Variants in ZFPM2 observed in about 807,000 individuals in gnomAD.
ZFPM2 encodes zinc finger protein ZFPM2.
In ZFPM2, 20 loss-of-function variants were observed where a neutral mutation model predicts 98.6. The ratio of observed to expected loss-of-function variants is 0.20; its 90% CI spans 0.14 to 0.29. The LOEUF is 0.29. Among genes scored for constraint, ZFPM2 ranks in the 10% least tolerant of loss-of-function variants. The pLI is 1.00. For synonymous variants in ZFPM2, 518 were observed against 502.7 expected (o/e 1.03, Z -0.41); for missense variants, 1,310 against 1,388.6 (o/e 0.94, Z 0.90).
intron 5 of ZFPM2, among the ~76,000 whole-genome samples, chr8:105,664,859 T>A (rs1395526789): frequency 1.3e-5 from 2 of 152,148 alleles, no homozygotes; most frequent in African/African-American, 4.8e-5. Context: ...AACCATTTAA[T>A]ACTAATCTGA....
At chr8:105,605,403 T>C (rs1816176294) in intron 4 of ZFPM2, among the ~76,000 whole-genome samples, 2 of 152,116 alleles carry the variant, frequency 1.3e-5, no homozygotes, top group Admixed American at 6.6e-5. Context: ...GACTTATATC[T>C]GAATATAATG....
At chr8:105,558,975 A>G (rs1199092348) in intron 3 of ZFPM2, among the ~76,000 whole-genome samples, 17 of 152,178 alleles carry the variant, frequency 1.1e-4, no homozygotes, top group Non-Finnish European at 1.3e-4. Flanking sequence ...TTTATTTTCA[A>G]ATAAGAAAAT....
At position 105,327,730 on chromosome 8, in the gene ZFPM2, C is replaced by T. The variant is rs186685684; in HGVS notation, c.40+8749C>T. Among the ~76,000 whole-genome samples, 168 of 151,716 alleles carry T rather than the reference C, an allele frequency of 1.1e-3. 1 individual carries two copies. The highest frequency in any genetic ancestry group is 0.011 in the Admixed American group (164 of 15,186). On this transcript the variant is annotated intron_variant, in intron 1 of 7. Coordinates refer to ENST00000407775, the MANE Select transcript of ZFPM2 (RefSeq NM_012082.4). Reference sequence around the variant, plus strand: ...TGGCTTTAAAGCTTAACACACAATTCGATTAAAAGATCTGATTATTTATAA... The same window carrying T: ...TGGCTTTAAAGCTTAACACACAATTTGATTAAAAGATCTGATTATTTATAA...
At chr8:105,793,601 T>A (rs920447298) in intron 6 of ZFPM2, among the ~76,000 whole-genome samples, 6 of 152,150 alleles carry the variant, frequency 3.9e-5, no homozygotes, top group African/African-American at 1.4e-4. Context: ...TTTGTGGTGT[T>A]CTCTGTATTT....
At position 105,565,025 on chromosome 8, in the gene ZFPM2, A is replaced by G. The variant is rs116574784; in HGVS notation, c.420+3544A>G. Among the ~76,000 whole-genome samples the G allele has an allele frequency of 9.5e-3, 1,451 of 152,210 alleles. 22 individuals are homozygous for G. Among genetic ancestry groups the G allele is most frequent in the African/African-American group, 0.034 (1,395 of 41,538 alleles). Reference sequence around the variant, plus strand: ...ATTAGCGCACTCTCTTAAATTGCTTATTCGCCAACTGATGTAATGTTACTC... The same window carrying G: ...ATTAGCGCACTCTCTTAAATTGCTTGTTCGCCAACTGATGTAATGTTACTC... On this transcript the variant is annotated intron_variant, in intron 4 of 7. Transcript: ENST00000407775.
At chr8:105,577,775 C>CAA (rs5893750) in intron 4 of ZFPM2, among the ~76,000 whole-genome samples, 3 of 111,296 alleles carry the variant, frequency 2.7e-5, no homozygotes, top group African/African-American at 1.0e-4. Flanking sequence ...GTGAGGAAAC[C>CAA]AAAAAAAAAA....
chr8:105,497,271 C>T (rs573972668), intron 3 of ZFPM2, among the ~76,000 whole-genome samples: 1 of 152,178 alleles, frequency 6.6e-6, no homozygotes, highest in Admixed American at 6.5e-5. Flanking sequence ...AGGCATGAGC[C>T]ACCAAGCCTG....
At chr8:105,669,420 T>C (rs1266741680) in intron 5 of ZFPM2, among the ~76,000 whole-genome samples, 1 of 150,668 alleles carries the variant, frequency 6.6e-6, no homozygotes, top group East Asian at 1.9e-4. Context: ...CAAATATATA[T>C]ATATATATTT....
At chr8:105,624,054 A>T (rs1196577313) in intron 4 of ZFPM2, among the ~76,000 whole-genome samples, 1 of 152,132 alleles carries the variant, frequency 6.6e-6, no homozygotes, top group Non-Finnish European at 1.5e-5. Context: ...TTATAATAAT[A>T]TCGTTATGAA....
intron 5 of ZFPM2, among the ~76,000 whole-genome samples, chr8:105,725,388 G>A (rs753535): frequency 0.15 from 23,248 of 151,644 alleles, 2,167 homozygotes; most frequent in East Asian, 0.32. Context: ...TTAGAATAAC[G>A]TATTTTTTCT....
intron 4 of ZFPM2, among the ~76,000 whole-genome samples, chr8:105,620,889 A>G (rs1048262514): frequency 1.2e-4 from 19 of 152,080 alleles, no homozygotes; most frequent in Admixed American, 7.2e-4. Flanking sequence ...CCATTGGTCT[A>G]TATCTCTGTT....
chr8:105,454,403 C>T lies in ZFPM2; in HGVS notation c.301+10022C>T, dbSNP rs150042335. ...ACACATTGCTTGGTGCTTTTTACTG[C>T]TTTATATCAGCAGGCACATAAAGAC... On this transcript the variant is annotated intron_variant, in intron 3 of 7. Coordinates refer to ENST00000407775, the MANE Select transcript of ZFPM2 (RefSeq NM_012082.4). Among the ~76,000 whole-genome samples, 917 of 152,262 alleles carry T rather than the reference C, an allele frequency of 6.0e-3. 5 individuals carry two copies. Among genetic ancestry groups the T allele is most frequent in the Non-Finnish European group, 9.6e-3 (656 of 68,018 alleles).
intron 1 of ZFPM2, among the ~76,000 whole-genome samples, chr8:105,326,744 C>T (rs560000189): frequency 4.6e-5 from 7 of 151,302 alleles, no homozygotes; most frequent in Non-Finnish European, 5.9e-5. Flanking sequence ...TGAAAGTCCT[C>T]CCCTTTGAAT....
intron 1 of ZFPM2, chr8:105,387,100 G>A (rs1308326648): frequency 2.6e-5 from 4 of 152,504 alleles, no homozygotes; most frequent in Non-Finnish European, 5.9e-5. Context: ...GCTAGATAGA[G>A]AGTGTGGATT....
At chr8:105,385,937 G>A (rs896227471) in intron 1 of ZFPM2, among the ~76,000 whole-genome samples, 6 of 152,156 alleles carry the variant, frequency 3.9e-5, no homozygotes, top group Non-Finnish European at 5.9e-5. Flanking sequence ...TTCCAGTTCT[G>A]CAGCCCACCT....
At chr8:105,321,775 T>C (rs1215429252) in intron 1 of ZFPM2, among the ~76,000 whole-genome samples, 1 of 152,052 alleles carries the variant, frequency 6.6e-6, no homozygotes, top group Admixed American at 6.6e-5. Flanking sequence ...GAGGAGATAA[T>C]GGGAAAGATA....
At chr8:105,549,021 G>A (rs542069364) in intron 3 of ZFPM2, among the ~76,000 whole-genome samples, 3 of 152,230 alleles carry the variant, frequency 2.0e-5, no homozygotes, top group Admixed American at 6.5e-5. Flanking sequence ...GATACATGGT[G>A]GGCTATTGTA....
intron 3 of ZFPM2, among the ~76,000 whole-genome samples, chr8:105,465,291 T>C (rs1812777178): frequency 5.3e-5 from 8 of 152,012 alleles, no homozygotes; most frequent in Admixed American, 5.2e-4. Context: ...ATAAAACAAT[T>C]GAAATTAGTT....
At chr8:105,665,449 G>A (rs1817471667) in intron 5 of ZFPM2, among the ~76,000 whole-genome samples, 1 of 152,124 alleles carries the variant, frequency 6.6e-6, no homozygotes, top group Admixed American at 6.6e-5. Flanking sequence ...CCCTGCCATG[G>A]ATTTCAGAGC....
Sources: allele counts gnomAD v4.1 joint callset (sites outside exome capture counted in the v4.1 genomes callset), GRCh38; gene constraint gnomAD v4.1.1; transcripts MANE v1.5; gene names NCBI Gene and HGNC (gene_info 2026-07-23, HGNC 2026-07-21).